Variants in TOPAZ1 observed in about 807,000 individuals in gnomAD.
The protein encoded by TOPAZ1 is testis and ovary specific TOPAZ 1.
Under a neutral mutation model 172.2 loss-of-function variants are expected in TOPAZ1, and 66 were observed. The ratio of observed to expected loss-of-function variants is 0.38; its 90% CI spans 0.31 to 0.47. TOPAZ1 has a LOEUF of 0.47. Ranked by LOEUF, TOPAZ1 falls within the 20% of genes least tolerant of loss-of-function variation. The probability of loss-of-function intolerance (pLI) is 0.99; values close to 1 mark genes in which losing one functional copy is unlikely to be tolerated. For missense variants in TOPAZ1, 1,822 were observed against 1,972.4 expected, an observed-to-expected ratio of 0.92 and a Z score of 1.44; for synonymous variants, 681 against 683.9, an observed-to-expected ratio of 1.00 and a Z score of 0.07.
chr3:44,305,415 G>A, intron 14 of TOPAZ1, 94 bp downstream of exon 14: 1 of 1,150,246 alleles, frequency 8.7e-7, no homozygotes, highest in Non-Finnish European at 1.2e-6. Context: ...TGTTACCCAG[G>A]CTGGAGTACA....
intron 16 of TOPAZ1, among the ~76,000 whole-genome samples, chr3:44,314,505 C>T (rs139235261): frequency 6.6e-6 from 1 of 152,210 alleles, no homozygotes; most frequent in African/African-American, 2.4e-5. Context: ...AAGTGTAAAG[C>T]AGGAATTCCA....
intron 4 of TOPAZ1, among the ~76,000 whole-genome samples, chr3:44,260,222 A>T (rs1266063362): frequency 6.6e-6 from 1 of 152,202 alleles, no homozygotes; most frequent in Non-Finnish European, 1.5e-5. Context: ...TCTTTATAGT[A>T]GCATGAAAAC....
chr3:44,242,103 G>A lies in TOPAZ1; in HGVS notation c.50G>A (p.Gly17Asp). ...CCCACGACGGCCTCAGGGCCTGAAGGCAATGTGCGAAACCTGCAGAAGCGG... is the reference window on the plus strand; with the variant it reads ...CCCACGACGGCCTCAGGGCCTGAAGACAATGTGCGAAACCTGCAGAAGCGG... ...LGPTTASGPE[G>D]NVRNLQKRQA... The change falls in exon 1 of 20, where the codon GGC becomes GAC. Residue 17 changes from glycine (G) to aspartate (D), a missense_variant. Gly to Asp is a moderately conservative substitution (Grantham distance 94). This residue lies in a region of TOPAZ1 where 1,489 missense variants were observed against 1,490.8 expected (regional missense o/e 1.00). Coordinates refer to ENST00000309765, the MANE Select transcript of TOPAZ1 (RefSeq NM_001145030.2). 6.5e-7 allele frequency: 1 copy of A among 1,548,178 alleles called. No homozygotes were observed. The highest frequency in any genetic ancestry group is 8.7e-7 in the Non-Finnish European group (1 of 1,146,516).
Position 44,267,057 on chromosome 3 carries a change from G to T in TOPAZ1, c.3081G>T (p.Pro1027=). 1 of 1,549,840 alleles carries T rather than the reference G, an allele frequency of 6.5e-7. No individual in the cohort carries two copies. Among genetic ancestry groups the T allele is most frequent in the Non-Finnish European group, 8.7e-7 (1 of 1,146,212 alleles). The change falls in exon 6 of 20, where the codon CCG becomes CCT. Residue 1027 remains proline (P), a synonymous_variant. Coordinates refer to ENST00000309765, the MANE Select transcript of TOPAZ1 (RefSeq NM_001145030.2). ...AATGTCAATTTGCAGTACCAGTCCC[G>T]AAACCTCTGTGTTTATTAGTACCTC... ...VGECQFAVPV[P]KPLCLLVPPL...
chr3:44,308,262 T>C (rs953277200), intron 15 of TOPAZ1, among the ~76,000 whole-genome samples: 3 of 151,316 alleles, frequency 2.0e-5, no homozygotes, highest in Non-Finnish European at 3.0e-5. Context: ...CATCTCTTAA[T>C]GCCATCCCTC....
chr3:44,329,398 CA>C (rs1700639107), intron 19 of TOPAZ1, among the ~76,000 whole-genome samples: 1 of 152,196 alleles, frequency 6.6e-6, no homozygotes, highest in Non-Finnish European at 1.5e-5. Flanking sequence ...GTGGAAGCCT[CA>C]TTTCACCACA....
intron 11 of TOPAZ1, among the ~76,000 whole-genome samples, chr3:44,289,405 G>C (rs1470499326): frequency 6.6e-6 from 1 of 152,156 alleles, no homozygotes; most frequent in Non-Finnish European, 1.5e-5. Context: ...AGCATGCTTT[G>C]AATCTAGAGG....
At chr3:44,245,556 T>G (rs1020754785) in intron 2 of TOPAZ1, among the ~76,000 whole-genome samples, 2 of 88,188 alleles carry the variant, frequency 2.3e-5, no homozygotes, top group Admixed American at 2.9e-4. Flanking sequence ...TTTTTTTTTT[T>G]AACGGAGTCT....
At chr3:44,248,745 A>G (rs1423925024) in intron 2 of TOPAZ1, among the ~76,000 whole-genome samples, 1 of 152,176 alleles carries the variant, frequency 6.6e-6, no homozygotes, top group African/African-American at 2.4e-5. Flanking sequence ...ATGAGTTTTT[A>G]TTTTACAGGA....
At chr3:44,285,991 C>T (rs1192590328) in intron 9 of TOPAZ1, among the ~76,000 whole-genome samples, 4 of 151,730 alleles carry the variant, frequency 2.6e-5, no homozygotes, top group Non-Finnish European at 4.4e-5. Flanking sequence ...GGCAGATCAC[C>T]TGAGGTCAGA....
chr3:44,278,861 T>C (rs999902255), intron 8 of TOPAZ1, among the ~76,000 whole-genome samples: 6 of 151,938 alleles, frequency 3.9e-5, no homozygotes, highest in Admixed American at 3.9e-4. Flanking sequence ...CTTATTTCTT[T>C]CCTTCTACTA....
rs1700321143 is a variant in TOPAZ1 at position 44,305,208 on chromosome 3, G to A, written c.3926G>A (p.Gly1309Asp). 1.3e-6 allele frequency: 2 copies of A among 1,547,768 alleles called. No individual in the cohort carries two copies. ...AAATTATACATTAACGTAAAAATGG[G>A]CTGTGAAAAATTTGCAGATTTCCAG... ...LGKLYINVKMGCEKFADFQTF... is the reference protein window; with the variant it reads ...LGKLYINVKMDCEKFADFQTF... Residue 1309 changes from glycine to aspartate, a missense_variant, in exon 14 of 20, where the codon GGC (glycine) becomes GAC (aspartate). By Grantham distance (94) the Gly-to-Asp change is moderately conservative (BLOSUM62 -1). Coordinates refer to ENST00000309765, the MANE Select transcript of TOPAZ1 (RefSeq NM_001145030.2).
chr3:44,251,961 G>A (rs1017099384), intron 2 of TOPAZ1, among the ~76,000 whole-genome samples: 4 of 151,832 alleles, frequency 2.6e-5, no homozygotes, highest in Non-Finnish European at 4.4e-5. Flanking sequence ...CTCACTTTAT[G>A]ATTTTTTTTT....
At position 44,245,233 on chromosome 3, in the gene TOPAZ1, G is replaced by A. The variant is rs1699550136; in HGVS notation, c.2727G>A (p.Met909Ile). 6.5e-7 allele frequency: 1 copy of A among 1,541,648 alleles called. No individual in the cohort carries two copies. ...GEHQSTDSKY[M>I]ETPVKKEPSD... ...ACCAATCAACAGACTCCAAGTACATGGAAACTCCAGTAAAAAAAGAACCAA... is the reference window on the plus strand; with the variant it reads ...ACCAATCAACAGACTCCAAGTACATAGAAACTCCAGTAAAAAAAGAACCAA... Residue 909 changes from methionine to isoleucine, a missense_variant, in exon 2 of 20, where the codon ATG becomes ATA. Around this residue, in one of 2 missense-constraint regions of TOPAZ1, gnomAD observed 1,489 missense variants for 1,490.8 expected, o/e 1.00. Coordinates refer to ENST00000309765, the MANE Select transcript of TOPAZ1 (RefSeq NM_001145030.2).
chr3:44,268,423 G>C (rs1314768995), intron 6 of TOPAZ1, among the ~76,000 whole-genome samples: 1 of 146,520 alleles, frequency 6.8e-6, no homozygotes, highest in Non-Finnish European at 1.5e-5. Context: ...GCCCAGGCTG[G>C]AGTGCAGTGA....
intron 9 of TOPAZ1, among the ~76,000 whole-genome samples, chr3:44,285,262 G>A (rs1206783108): frequency 6.6e-6 from 1 of 151,952 alleles, no homozygotes; most frequent in Non-Finnish European, 1.5e-5. Flanking sequence ...CAGGAGTTTA[G>A]ACCAGCCTGG....
At chr3:44,287,875 G>GAGT in intron 11 of TOPAZ1, 36 bp downstream of exon 11, 2 of 1,023,958 alleles carry the variant, frequency 2.0e-6, no homozygotes, top group Non-Finnish European at 2.8e-6. Context: ...CTCTGATGGC[G>GAGT]AGTAACCAAG....
At chr3:44,273,008 A>G (rs947398293) in intron 8 of TOPAZ1, among the ~76,000 whole-genome samples, 1 of 152,228 alleles carries the variant, frequency 6.6e-6, no homozygotes, top group African/African-American at 2.4e-5. Flanking sequence ...AATCTTAAAC[A>G]AACCAACAAC....
chr3:44,247,828 CT>C (rs1386739337), intron 2 of TOPAZ1, among the ~76,000 whole-genome samples: 1 of 152,004 alleles, frequency 6.6e-6, no homozygotes, highest in East Asian at 1.9e-4. Context: ...TTTTTTTGTA[CT>C]TTTAGTAGAC....
Sources: gnomAD v4.1 joint callset for allele counts (sites outside exome capture counted in the v4.1 genomes callset) on GRCh38, gnomAD v4.1.1 for gene constraint, gnomAD v4.1.1 regional missense constraint, MANE v1.5 for transcripts, NCBI Gene and HGNC (gene_info 2026-07-23, HGNC 2026-07-21) for gene names.